The following TMEM219 variants were observed in gnomAD, a reference collection of about 807,000 sequenced individuals.
TMEM219 encodes insulin-like growth factor-binding protein 3 receptor.
In TMEM219, 18 loss-of-function variants were observed where a neutral mutation model predicts 17.9. That is an observed-to-expected ratio of 1.01 (90% CI 0.70 to 1.49). The LOEUF (loss-of-function observed/expected upper bound fraction) is 1.49, where lower values mean the gene tolerates loss of function less well. TMEM219 is among the 40% of genes most tolerant of loss of function. TMEM219 has a pLI of 0.00. For missense variants in TMEM219, 288 were observed against 292.4 expected, an observed-to-expected ratio of 0.99 and a Z score of 0.11; for synonymous variants, 113 against 124.0, an observed-to-expected ratio of 0.91 and a Z score of 0.59.
intron 3 of TMEM219, among the ~76,000 whole-genome samples, chr16:29,964,859 C>T (rs975559000): frequency 3.3e-5 from 5 of 152,156 alleles, no homozygotes; most frequent in African/African-American, 2.4e-5. Context: ...GGTAGGTTTT[C>T]TATGAATGCT....
intron 4 of TMEM219, among the ~76,000 whole-genome samples, chr16:29,970,011 G>A (rs558252884): frequency 6.6e-6 from 1 of 152,256 alleles, no homozygotes; most frequent in East Asian, 1.9e-4. Context: ...GGAGGCCAAG[G>A]CCGGTGGATC....
chr16:29,963,432 G>C lies in TMEM219; in HGVS notation c.198G>C (p.Gln66His). 1 of 1,614,210 alleles carries C rather than the reference G, an allele frequency of 6.2e-7. No homozygotes were observed. Among genetic ancestry groups the C allele is most frequent in the Non-Finnish European group, 8.5e-7 (1 of 1,180,028 alleles). The change falls in exon 3 of 6, where the codon CAG becomes CAC. Residue 66 changes from glutamine to histidine, a missense_variant. By Grantham distance (24) the Gln-to-His change is conservative. Coordinates refer to ENST00000279396, the MANE Select transcript of TMEM219 (RefSeq NM_001083613.2). ...DWVSFLRSFG[Q>H]LTLCPRNGTV... ...TCTCTTTTTTGAGATCTTTTGGCCA[G>C]CTGACCCTGTGTCCCAGGAATGGGA...
rs1161862186 is a variant in TMEM219, at chr16:29,971,394, G to C, written c.586-14G>C. 1 of 1,613,850 alleles carries C rather than the reference G, an allele frequency of 6.2e-7. No individual in the cohort carries two copies. Among genetic ancestry groups the C allele is most frequent in the South Asian group, 1.1e-5 (1 of 91,080 alleles). Reference sequence around the variant, plus strand: ...AACATGTCCTCCTCCTCCTCTCCCTGTACCCCTCCCTAGGAGGAGCTGGCT... The same window carrying C: ...AACATGTCCTCCTCCTCCTCTCCCTCTACCCCTCCCTAGGAGGAGCTGGCT... On this transcript the variant is annotated splice_polypyrimidine_tract_variant and intron_variant, in intron 4 of 5. Coordinates refer to ENST00000279396, the MANE Select transcript of TMEM219 (RefSeq NM_001083613.2).
At chr16:29,962,992 TTCTGGC>T (rs1438480935) in intron 1 of TMEM219, 109 bp from the exon 2 acceptor site, 5 of 848,572 alleles carry the variant, frequency 5.9e-6, no homozygotes, top group Non-Finnish European at 9.3e-6. Flanking sequence ...TGGATTCTTG[TTCTGGC>T]TCTGCCACTT....
At position 29,963,522 on chromosome 16, in the gene TMEM219, C is replaced by G; in HGVS notation, c.288C>G (p.Asp96Glu). 3.1e-6 allele frequency: 5 copies of G among 1,614,124 alleles called. No homozygotes were observed. In the South Asian group the frequency reaches 4.4e-5, roughly 14 times the overall value. ...VGLLTTLNFG[D>E]GPDRNKTRTF... ...TGCTGACCACCTTGAACTTCGGAGA[C>G]GGTCCAGACAGGAACAAGACCCGGA... The change falls in exon 3 of 6, where the codon GAC becomes GAG. Residue 96 changes from aspartate (D) to glutamate (E), a missense_variant. Physicochemically the swap from Asp to Glu is conservative, Grantham distance 45. Transcript: ENST00000279396.
chr16:29,969,674 G>A (rs2069258379), intron 4 of TMEM219, among the ~76,000 whole-genome samples: 1 of 151,648 alleles, frequency 6.6e-6, no homozygotes, highest in Non-Finnish European at 1.5e-5. Flanking sequence ...GTGAGACCCT[G>A]TCTCAAGAAG....
intron 3 of TMEM219, among the ~76,000 whole-genome samples, chr16:29,967,693 C>G (rs1490896479): frequency 6.6e-6 from 1 of 152,104 alleles, no homozygotes; most frequent in Non-Finnish European, 1.5e-5. Flanking sequence ...TTTGGGAGGC[C>G]AAGGCGGGCG....
intron 3 of TMEM219, among the ~76,000 whole-genome samples, chr16:29,964,995 C>T (rs2150861565): frequency 6.6e-6 from 1 of 152,268 alleles, no homozygotes; most frequent in East Asian, 1.9e-4. Flanking sequence ...TTTTCCTTAG[C>T]ATAGTTCTGT....
At chr16:29,968,001 T>G in intron 3 of TMEM219, 24 bp from the exon 4 acceptor site, 1 of 1,577,618 alleles carries the variant, frequency 6.3e-7, no homozygotes, top group Non-Finnish European at 8.7e-7. Flanking sequence ...TTTTCTTCCA[T>G]TTTCTCTTCT....
intron 3 of TMEM219, among the ~76,000 whole-genome samples, chr16:29,967,484 A>G (rs12918340): frequency 0.85 from 129,682 of 152,084 alleles, 55,991 homozygotes; most frequent in African/African-American, 0.96. Flanking sequence ...GGTGGCACAC[A>G]CTTGTAGCCC....
At chr16:29,963,728 C>G in intron 3 of TMEM219, 139 bp downstream of exon 3, 2 of 784,030 alleles carry the variant, frequency 2.6e-6, no homozygotes, top group South Asian at 1.9e-5. Flanking sequence ...ACTAAAAATA[C>G]AAAAATTAGC....
chr16:29,970,107 G>A lies in TMEM219; in HGVS notation c.586-1301G>A, dbSNP rs555925226. Among the ~76,000 whole-genome samples, 10 of 151,228 alleles carry A rather than the reference G, an allele frequency of 6.6e-5. No homozygotes were observed. In the East Asian group the frequency reaches 8.1e-4, roughly 12 times the overall value. Reference sequence around the variant, plus strand: ...AAATTAGCTGGATGTTGTGGCGGGCGTCTGTGATCCCAGCTACTCAGGAGG... The same window carrying A: ...AAATTAGCTGGATGTTGTGGCGGGCATCTGTGATCCCAGCTACTCAGGAGG... On this transcript the variant is annotated intron_variant, in intron 4 of 5. Transcript: ENST00000279396.
chr16:29,963,167 C>T lies in TMEM219; in HGVS notation c.24C>T (p.His8=). The T allele has an allele frequency of 6.2e-7, 1 of 1,613,062 alleles. No homozygotes were observed. Among genetic ancestry groups the T allele is most frequent in the South Asian group, 1.1e-5 (1 of 91,088 alleles). MGNCQAG[H]NLHLCLAHHP... ...CCATGGGCAACTGCCAGGCAGGGCACAACCTGCACCTGTGTCTGGCCCACC... is the reference window on the plus strand; with the variant it reads ...CCATGGGCAACTGCCAGGCAGGGCATAACCTGCACCTGTGTCTGGCCCACC... The change falls in exon 2 of 6, where the codon CAC becomes CAT. Residue 8 remains histidine, a synonymous_variant. Transcript: ENST00000279396.
At position 29,968,231 on chromosome 16, in the gene TMEM219, G is replaced by T. The variant is rs753427243; in HGVS notation, c.562G>T (p.Val188Leu). 8.1e-6 allele frequency: 13 copies of T among 1,613,910 alleles called. No homozygotes were observed. In the Middle Eastern group the frequency reaches 1.5e-3, roughly 185 times the overall value. The change falls in exon 4 of 6, where the codon GTG (valine) becomes TTG (leucine). Residue 188 changes from valine to leucine, a missense_variant. Val to Leu is a conservative substitution (Grantham distance 32, BLOSUM62 1). Transcript: ENST00000279396. ...TAGTGTCTGGAGCCATGAAGGCCTT[G>T]TGCTGACCAAGCTGCTCACCTCGGT... ...CVSVWSHEGL[V>L]LTKLLTSEEL...
chr16:29,969,726 T>C (rs943108474), intron 4 of TMEM219, among the ~76,000 whole-genome samples: 3 of 151,798 alleles, frequency 2.0e-5, no homozygotes, highest in African/African-American at 7.3e-5. Flanking sequence ...GCACTCCATG[T>C]TGAGAGGCTT....
In TMEM219 at chr16:29,968,232, T is replaced by C. The variant is rs756911530; in HGVS notation, c.563T>C (p.Val188Ala). 6.2e-7 allele frequency: 1 copy of C among 1,613,892 alleles called. No individual in the cohort carries two copies. Among genetic ancestry groups the C allele is most frequent in the Non-Finnish European group, 8.5e-7 (1 of 1,179,800 alleles). ...AGTGTCTGGAGCCATGAAGGCCTTG[T>C]GCTGACCAAGCTGCTCACCTCGGTA... is the stretch of plus-strand genomic sequence containing the variant. ...CVSVWSHEGL[V>A]LTKLLTSEEL... Residue 188 changes from valine to alanine, a missense_variant, in exon 4 of 6, where the codon GTG (valine) becomes GCG (alanine). Coordinates refer to ENST00000279396, the MANE Select transcript of TMEM219 (RefSeq NM_001083613.2).
At chr16:29,966,549 C>T (rs2069214666) in intron 3 of TMEM219, among the ~76,000 whole-genome samples, 1 of 152,034 alleles carries the variant, frequency 6.6e-6, no homozygotes, top group Admixed American at 6.6e-5. Context: ...GGCGTGGTGG[C>T]TCATTCCTAT....
At chr16:29,970,876 G>C (rs1323440671) in intron 4 of TMEM219, among the ~76,000 whole-genome samples, 1 of 151,542 alleles carries the variant, frequency 6.6e-6, no homozygotes, top group African/African-American at 2.4e-5. Context: ...CCCAGGAGGC[G>C]GAGGTTGCAG....
chr16:29,963,363 T>G, intron 2 of TMEM219, 37 bp from the exon 3 acceptor site: 1 of 1,613,702 alleles, frequency 6.2e-7, no homozygotes, highest in Non-Finnish European at 8.5e-7. Flanking sequence ...AGGCTTTTGC[T>G]GCTAATCTCA....
Sources: gnomAD v4.1 joint callset for allele counts (sites outside exome capture counted in the v4.1 genomes callset) on GRCh38, gnomAD v4.1.1 for gene constraint, MANE v1.5 for transcripts, NCBI Gene and HGNC (gene_info 2026-07-23, HGNC 2026-07-21) for gene names.